BRD1: variants seen among roughly 807,000 people sequenced by gnomAD.
BRD1 encodes the protein bromodomain-containing protein 1.
In BRD1, 24 loss-of-function variants were observed where a neutral mutation model predicts 107.7. The observed-to-expected ratio is 0.22, with a 90% confidence interval of 0.16 to 0.31. BRD1 has a LOEUF of 0.31. BRD1 is among the 10% of genes least tolerant of loss of function. The probability of loss-of-function intolerance (pLI) is 1.00; values close to 1 mark genes in which losing one functional copy is unlikely to be tolerated. For synonymous variants in BRD1, 744 were observed against 686.1 expected (o/e 1.08, Z -1.32); for missense variants, 1,279 against 1,638.6 (o/e 0.78, Z 3.79).
rs1419524517 is a variant in BRD1, at chr22:49,823,346, T to C, written c.972A>G (p.Lys324=). 3.1e-6 allele frequency: 5 copies of C among 1,614,016 alleles called. No homozygotes were observed. Among genetic ancestry groups the C allele is most frequent in the Non-Finnish European group, 4.2e-6 (5 of 1,180,034 alleles). ...TCTGCTTACAGAGGTAGCATGTCAG[T>C]TTCCACCGGGCTGGAGGGATGTTCC... The part of the protein sequence containing the change: ...GVRNIPPARW[K]LTCYLCKQKG... Residue 324 remains lysine (K), a synonymous_variant, in exon 2 of 13, where the codon AAA becomes AAG. Coordinates refer to ENST00000404760, the MANE Select transcript of BRD1 (RefSeq NM_001304808.3).
rs112984761 is a variant in BRD1, at chr22:49,789,497, C to T, written c.2360-1610G>A. ...CTCTTCCACCTCCTAGCCTCCCCCCCCCGCCCCGAGCTCTCGCCCTGATTA... is the reference window on the plus strand; with the variant it reads ...CTCTTCCACCTCCTAGCCTCCCCCCTCCGCCCCGAGCTCTCGCCCTGATTA... On this transcript the variant is annotated intron_variant, in intron 7 of 12. Transcript: ENST00000404760. Among the ~76,000 whole-genome samples the T allele has an allele frequency of 2.2e-4, 33 of 150,968 alleles. 1 individual carries two copies. The South Asian group carries it at 3.0e-3, about 14-fold the overall frequency.
At chr22:49,780,205 C>T (rs1475842766) in intron 8 of BRD1, among the ~76,000 whole-genome samples, 1 of 152,216 alleles carries the variant, frequency 6.6e-6, no homozygotes, top group Non-Finnish European at 1.5e-5. Flanking sequence ...ATGCACAGAC[C>T]ACTCAGCAGC....
rs112769405 is a variant in BRD1, at chr22:49,823,526, C to G, written c.792G>C (p.Ser264=). The G allele has an allele frequency of 4.7e-4, 760 of 1,600,826 alleles. 5 individuals are homozygous for G. In the African/African-American group the frequency reaches 7.8e-3, roughly 17 times the overall value. ...GCACACAGTCGGCGGGCCGGGCCCG[C>G]GACTGCAGGCAGTGGCGGCAGAGCC... The part of the protein sequence containing the change: ...GQWLCRHCLQ[S]RARPADCVLC... The change falls in exon 2 of 13, where the codon TCG becomes TCC. Residue 264 remains serine (S), a synonymous_variant. Transcript: ENST00000404760.
rs990805367 is a variant in BRD1 at position 49,827,860 on chromosome 22, G to C, written c.-378C>G. On this transcript the variant is annotated 5_prime_UTR_variant, in exon 1 of 13. Coordinates refer to ENST00000404760, the MANE Select transcript of BRD1 (RefSeq NM_001304808.3). ...CCGGGTCGCTCGCTCGCTCCCCAGCGAAGCAAACAATGCGGCGAGCGCTCC... is the reference window on the plus strand; with the variant it reads ...CCGGGTCGCTCGCTCGCTCCCCAGCCAAGCAAACAATGCGGCGAGCGCTCC... Among the ~76,000 whole-genome samples, 2 of 141,970 alleles carry C rather than the reference G, an allele frequency of 1.4e-5. No individual in the cohort carries two copies. The highest frequency in any genetic ancestry group is 3.1e-5 in the Non-Finnish European group (2 of 64,922). The allele number at this position is 141,970 out of a possible 152,430, so 93.1% of individuals were successfully genotyped here. A position where few individuals can be genotyped will look rare whatever the true frequency, so the allele number is the denominator to read the frequency against.
intron 8 of BRD1, among the ~76,000 whole-genome samples, chr22:49,780,060 C>T (rs763062184): frequency 3.7e-4 from 56 of 152,178 alleles, no homozygotes; most frequent in Non-Finnish European, 8.8e-5. Context: ...TTAGTAGTTA[C>T]TGGTTGGCCG....
chr22:49,825,828 A>T (rs1431575434), intron 1 of BRD1: 2 of 152,284 alleles, frequency 1.3e-5, no homozygotes, highest in African/African-American at 4.8e-5. Context: ...ACTTCTTAAG[A>T]CAGACCCTCC....
chr22:49,795,848 A>C (rs893751405), intron 6 of BRD1, among the ~76,000 whole-genome samples: 1 of 152,066 alleles, frequency 6.6e-6, no homozygotes, highest in Non-Finnish European at 1.5e-5. Flanking sequence ...CCCTGGGCTC[A>C]CTCTGAGGCG....
At chr22:49,826,116 C>CT in intron 1 of BRD1, 1 of 960,030 alleles carries the variant, frequency 1.0e-6, no homozygotes, top group South Asian at 4.8e-5. Context: ...CGCGTCATTA[C>CT]TGAGGTGGGG....
intron 3 of BRD1, 26 bp downstream of exon 3, chr22:49,804,178 G>T: frequency 6.5e-7 from 1 of 1,545,598 alleles, no homozygotes; most frequent in South Asian, 1.2e-5. Flanking sequence ...GACGCAGAAA[G>T]GCTGTGGGGG....
Position 49,787,850 on chromosome 22 carries a change from T to G in BRD1, c.2397A>C (p.Ala799=). The change falls in exon 8 of 13, where the codon GCA becomes GCC. Residue 799 remains alanine, a synonymous_variant. Transcript: ENST00000404760. ...KSPPKLEPSD[A]LPLPSNSETN... is the part of the protein sequence containing the mutation. The stretch of plus-strand genomic sequence containing the variant: ...TCTCCGAGTTTGAAGGAAGAGGTAA[T>G]GCATCTGATGGTTCAAGTTTAGGGG... 6.5e-7 allele frequency: 1 copy of G among 1,547,022 alleles called. No homozygotes were observed. Among genetic ancestry groups the G allele is most frequent in the Non-Finnish European group, 8.7e-7 (1 of 1,144,172 alleles).
Position 49,783,120 on chromosome 22 carries a change from C to T in BRD1, c.2857+4270G>A, listed in dbSNP as rs1434934398. Among the ~76,000 whole-genome samples the T allele has an allele frequency of 6.7e-6, 1 of 150,234 alleles. No homozygotes were observed. Among genetic ancestry groups the T allele is most frequent in the Non-Finnish European group, 1.5e-5 (1 of 67,606 alleles). On this transcript the variant is annotated intron_variant, in intron 8 of 12. Coordinates refer to ENST00000404760, the MANE Select transcript of BRD1 (RefSeq NM_001304808.3). The surrounding 1 kb of genome is among the most constrained non-coding windows in gnomAD (Gnocchi z 4.2). ...GCCCAGGCCAGACGCCTGCACGAGA[C>T]CTGCTCTTGCTGGGACCCAGCTCCA...
chr22:49,794,640 C>A (rs1432172694), intron 6 of BRD1, among the ~76,000 whole-genome samples: 1 of 152,260 alleles, frequency 6.6e-6, no homozygotes, highest in Admixed American at 6.5e-5. Context: ...GCACAGCACA[C>A]AGACCCCAGA....
At chr22:49,797,768 G>A (rs1484327662) in intron 6 of BRD1, 37 bp downstream of exon 6, 16 of 1,544,356 alleles carry the variant, frequency 1.0e-5, no homozygotes, top group African/African-American at 2.7e-5. Flanking sequence ...TAGAAAGAGC[G>A]TCTTCCACCT....
At chr22:49,776,933 G>A in intron 10 of BRD1, 101 bp downstream of exon 10, 1 of 1,526,180 alleles carries the variant, frequency 6.6e-7, no homozygotes, top group South Asian at 1.2e-5. Flanking sequence ...TCCACACAGG[G>A]CACCATGCTC....
rs780644779 is a variant in BRD1 at position 49,823,335 on chromosome 22, T to C, written c.983A>G (p.Tyr328Cys). 5 of 1,613,988 alleles carry C rather than the reference T, an allele frequency of 3.1e-6. No individual in the cohort carries two copies. Among genetic ancestry groups the C allele is most frequent in the Non-Finnish European group, 3.4e-6 (4 of 1,180,034 alleles). The change falls in exon 2 of 13, where the codon TAC becomes TGC. Residue 328 changes from tyrosine to cysteine, a missense_variant. By Grantham distance (194) the Tyr-to-Cys change is radical (BLOSUM62 -2). Coordinates refer to ENST00000404760, the MANE Select transcript of BRD1 (RefSeq NM_001304808.3). Reference sequence around the variant, plus strand: ...ACCCACGCCCTTCTGCTTACAGAGGTAGCATGTCAGTTTCCACCGGGCTGG... The same window carrying C: ...ACCCACGCCCTTCTGCTTACAGAGGCAGCATGTCAGTTTCCACCGGGCTGG... ...IPPARWKLTC[Y>C]LCKQKGVGAC...
intron 2 of BRD1, chr22:49,805,794 T>C (rs948211339): frequency 4.7e-5 from 7 of 149,020 alleles, no homozygotes; most frequent in Non-Finnish European, 7.4e-5. Flanking sequence ...CAGGCTGGAG[T>C]GCAGTGACGC....
chr22:49,824,668 C>T lies in BRD1; in HGVS notation c.-14-337G>A. The T allele has an allele frequency of 8.9e-7, 1 of 1,120,274 alleles. No individual in the cohort carries two copies. Among genetic ancestry groups the T allele is most frequent in the Non-Finnish European group, 1.1e-6 (1 of 911,648 alleles). The allele number at this position is 1,120,274 out of a possible 1,614,324, so 69.4% of individuals were successfully genotyped here. A position where few individuals can be genotyped will look rare whatever the true frequency, so the allele number is the denominator to read the frequency against. On this transcript the variant is annotated intron_variant, in intron 1 of 12. Transcript: ENST00000404760. The surrounding 1 kb of genome is among the most constrained non-coding windows in gnomAD (Gnocchi z 5.9). ...CTCCCCAAGGAGGAGGGGTCCGGCC[C>T]AGAGCCCACAGTTGCAGGACTTTCC...
intron 8 of BRD1, among the ~76,000 whole-genome samples, chr22:49,780,881 A>C (rs2059193571): frequency 6.6e-6 from 1 of 152,340 alleles, no homozygotes; most frequent in South Asian, 2.1e-4. Context: ...CCAGGGCCTA[A>C]GGTCTGCAGA....
Position 49,787,751 on chromosome 22 carries a change from T to C in BRD1, c.2496A>G (p.Thr832=), listed in dbSNP as rs751995081. 5.4e-5 allele frequency: 83 copies of C among 1,550,906 alleles called. No homozygotes were observed. The highest frequency in any genetic ancestry group is 1.4e-4 in the Admixed American group (7 of 51,016). ...PEQSKLFKRV[T]FDNESHSACT... ...AAGCGCTATGTGATTCATTATCAAATGTGACTCTTTTGAAAAGTTTACTCT... is the reference window on the plus strand; with the variant it reads ...AAGCGCTATGTGATTCATTATCAAACGTGACTCTTTTGAAAAGTTTACTCT... Residue 832 remains threonine, a synonymous_variant, in exon 8 of 13, where the codon ACA becomes ACG. Transcript: ENST00000404760.
Sources: allele counts gnomAD v4.1 joint callset (sites outside exome capture counted in the v4.1 genomes callset), GRCh38; gene constraint gnomAD v4.1.1; non-coding constraint Gnocchi (gnomAD v3.1); transcripts MANE v1.5; gene names NCBI Gene and HGNC (gene_info 2026-07-23, HGNC 2026-07-21).